FRMD6: variants seen among roughly 807,000 people sequenced by gnomAD.
FRMD6 encodes the protein FERM domain-containing protein 6.
In FRMD6, 37 loss-of-function variants were observed where a neutral mutation model predicts 73.2. That is an observed-to-expected ratio of 0.51 (90% CI 0.39 to 0.66). The LOEUF (loss-of-function observed/expected upper bound fraction) is 0.66. Ranked by LOEUF, FRMD6 falls within the 30% of genes least tolerant of loss-of-function variation. FRMD6 has a pLI of 0.00. For synonymous variants in FRMD6, 273 were observed against 282.2 expected, an observed-to-expected ratio of 0.97 and a Z score of 0.33; for missense variants, 714 against 780.5, an observed-to-expected ratio of 0.91 and a Z score of 1.02.
At chr14:51,419,784 G>C in the FRMD6 span, among the ~76,000 whole-genome samples, 1 of 152,214 alleles carries the variant, frequency 6.6e-6, no homozygotes, top group Non-Finnish European at 1.5e-5. Flanking sequence ...CTCTTGTGTT[G>C]TTAGGTGTGG....
chr14:51,489,041 T>C (rs1882848971), upstream of FRMD6: 2 of 152,222 alleles, frequency 1.3e-5, no homozygotes, highest in African/African-American at 4.8e-5. Context: ...AAAAGTTATG[T>C]CTGCTGTTTG....
At chr14:51,467,878 T>C in the FRMD6 span, among the ~76,000 whole-genome samples, 4 of 151,972 alleles carry the variant, frequency 2.6e-5, no homozygotes, top group Non-Finnish European at 4.4e-5. Context: ...TCCTCACTTC[T>C]TAGACGGGAT....
At chr14:51,595,091 G>A (rs529114720) in intron 2 of FRMD6, among the ~76,000 whole-genome samples, 63 of 152,260 alleles carry the variant, frequency 4.1e-4, no homozygotes, top group Non-Finnish European at 4.3e-4. Flanking sequence ...TTCTCATCCC[G>A]TTCTGTGCTA....
chr14:51,693,776 C>T lies in FRMD6; in HGVS notation c.99+3841C>T, dbSNP rs553025080. On this transcript the variant is annotated intron_variant, in intron 2 of 13. Transcript: ENST00000344768. ...GCCTGCAAGATTTCTTATTTCAGGG[C>T]AGGTCTAAGGTAGGACACAAGCATG... 6.8e-4 allele frequency among the ~76,000 whole-genome samples: 104 copies of T among 152,202 alleles called. No homozygotes were observed. The Middle Eastern group carries it at 0.014, about 20-fold the overall frequency.
chr14:51,690,248 G>A (rs1485440327), intron 2 of FRMD6, among the ~76,000 whole-genome samples: 2 of 152,190 alleles, frequency 1.3e-5, no homozygotes, highest in East Asian at 1.9e-4. Context: ...TGTCTTAAAT[G>A]CTTAGAGTTG....
chr14:51,487,550 T>A (rs1349556216), upstream of FRMD6, among the ~76,000 whole-genome samples: 1 of 152,234 alleles, frequency 6.6e-6, no homozygotes, highest in Non-Finnish European at 1.5e-5. Context: ...GGGTCACATT[T>A]TGAATAGCAA....
chr14:51,607,000 T>C (rs1890284400), intron 2 of FRMD6, among the ~76,000 whole-genome samples: 1 of 152,102 alleles, frequency 6.6e-6, no homozygotes, highest in African/African-American at 2.4e-5. Flanking sequence ...GGTCTGCACT[T>C]TCTTTTCTGT....
intron 1 of FRMD6, among the ~76,000 whole-genome samples, chr14:51,664,674 G>C (rs564765198): frequency 2.0e-5 from 3 of 152,330 alleles, no homozygotes; most frequent in Admixed American, 2.0e-4. Flanking sequence ...TAGGGCACAA[G>C]GTTTTTGAGA....
At chr14:51,517,153 A>G (rs756186422) in intron 1 of FRMD6, among the ~76,000 whole-genome samples, 4 of 152,240 alleles carry the variant, frequency 2.6e-5, no homozygotes, top group Non-Finnish European at 4.4e-5. Context: ...AATAATAGAA[A>G]TGATTAAGTG....
chr14:51,695,526 C>T (rs1462970869), intron 2 of FRMD6, among the ~76,000 whole-genome samples: 1 of 152,062 alleles, frequency 6.6e-6, no homozygotes, highest in Non-Finnish European at 1.5e-5. Context: ...ATACAGTTTT[C>T]CTAAAATGCT....
intron 1 of FRMD6, among the ~76,000 whole-genome samples, chr14:51,680,813 T>G (rs182652102): frequency 6.1e-4 from 93 of 152,298 alleles, no homozygotes; most frequent in Middle Eastern, 3.4e-3. Context: ...TTTTCCCTAT[T>G]TAGATTTTTC....
intron 2 of FRMD6, among the ~76,000 whole-genome samples, chr14:51,594,809 C>T (rs1889621747): frequency 6.6e-6 from 1 of 152,218 alleles, no homozygotes; most frequent in South Asian, 2.1e-4. Flanking sequence ...CCCAACTCCC[C>T]ACTGTGCTTG....
At chr14:51,401,785 C>T in the FRMD6 span, among the ~76,000 whole-genome samples, 2 of 152,206 alleles carry the variant, frequency 1.3e-5, no homozygotes, top group Non-Finnish European at 2.9e-5. Context: ...TGACCTCCTA[C>T]CCATGTATTT....
At chr14:51,551,496 A>G (rs1310269135) in intron 1 of FRMD6, among the ~76,000 whole-genome samples, 1 of 152,322 alleles carries the variant, frequency 6.6e-6, no homozygotes, top group African/African-American at 2.4e-5. Context: ...GCACTTCGGG[A>G]GACCAAGGTG....
intron 2 of FRMD6, among the ~76,000 whole-genome samples, chr14:51,694,050 A>G (rs1022462995): frequency 6.6e-6 from 1 of 152,246 alleles, no homozygotes; most frequent in Non-Finnish European, 1.5e-5. Context: ...CTCTCTCTAT[A>G]ACAATGAAAG....
chr14:51,452,370 G>A, the FRMD6 span, among the ~76,000 whole-genome samples: 1 of 152,232 alleles, frequency 6.6e-6, no homozygotes, highest in Non-Finnish European at 1.5e-5. Context: ...CACATCCTCA[G>A]AAGCCCTTCA....
rs776577685 is a variant in FRMD6 at position 51,712,535 on chromosome 14, G to GA, written c.837dup (p.Leu280IlefsTer6). ...TATGATTTCCCCTGGACAAATGTTG[G>GA]AAAATTGGTGTTTGTGGTAAGTTTA... On this transcript the variant is annotated frameshift_variant, in exon 9 of 14. Coordinates refer to ENST00000344768, the MANE Select transcript of FRMD6 (RefSeq NM_001267046.2). LOFTEE classifies it high-confidence loss of function. The GA allele has an allele frequency of 6.3e-7, 1 of 1,599,826 alleles. No homozygotes were observed. Among genetic ancestry groups the GA allele is most frequent in the Non-Finnish European group, 8.6e-7 (1 of 1,167,778 alleles).
the FRMD6 span, among the ~76,000 whole-genome samples, chr14:51,407,227 T>A: frequency 6.6e-6 from 1 of 152,084 alleles, no homozygotes; most frequent in Admixed American, 6.5e-5. Flanking sequence ...TTAGCTCATA[T>A]TTTGTTTGGA....
At chr14:51,461,132 C>G in the FRMD6 span, among the ~76,000 whole-genome samples, 1 of 152,196 alleles carries the variant, frequency 6.6e-6, no homozygotes, top group Non-Finnish European at 1.5e-5. Flanking sequence ...CTGTGTATAT[C>G]TTTCCCAGAA....
Sources: gnomAD v4.1 joint callset for allele counts (sites outside exome capture counted in the v4.1 genomes callset) on GRCh38, gnomAD v4.1.1 for gene constraint, MANE v1.5 for transcripts, NCBI Gene and HGNC (gene_info 2026-07-23, HGNC 2026-07-21) for gene names.